Variants in INTS6L observed in about 807,000 individuals in gnomAD.
INTS6L encodes integrator complex subunit 6 like, also known as integrator complex subunit 6-like.
Under a neutral mutation model 64.7 loss-of-function variants are expected in INTS6L, and 18 were observed. The ratio of observed to expected loss-of-function variants is 0.28; its 90% CI spans 0.19 to 0.41. The LOEUF (loss-of-function observed/expected upper bound fraction) is 0.41, where lower values mean the gene tolerates loss of function less well. Among genes scored for constraint, INTS6L ranks in the 10% least tolerant of loss-of-function variants. The pLI, the probability that INTS6L is intolerant of heterozygous loss-of-function variation, is 1.00. For synonymous variants in INTS6L, 227 were observed against 235.9 expected, an observed-to-expected ratio of 0.96 and a Z score of 0.34; for missense variants, 533 against 661.0, an observed-to-expected ratio of 0.81 and a Z score of 2.12.
rs781916406 is a variant in INTS6L at position 135,551,970 on chromosome X, C to T, written c.907-24C>T. The T allele has an allele frequency of 5.1e-5, 56 of 1,102,782 alleles. 1 individual carries two copies. In the South Asian group the frequency reaches 1.4e-3, roughly 27 times the overall value. The allele number at this position is 1,102,782 out of a possible 1,213,427, so 90.9% of individuals were successfully genotyped here. On this transcript the variant is annotated intron_variant, in intron 7 of 17. Transcript: ENST00000639893. ...CTTTGAGACCTAACCATTTTTTCTG[C>T]TTTTTTTAAAAAATTTTTTTTAGCC... is the stretch of plus-strand genomic sequence containing the variant.
rs781963415 is a variant in INTS6L, at chrX:135,539,330, C to T, written c.190-6093C>T. On this transcript the variant is annotated intron_variant, in intron 2 of 17. Transcript: ENST00000639893. ...CACTTTTATGACATGGAAGTGGCTG[C>T]TTCTTCTAGCTTCAAAGTTTTCTTC... is the stretch of plus-strand genomic sequence containing the variant. 1.6e-3 allele frequency among the ~76,000 whole-genome samples: 180 copies of T among 112,146 alleles called. 1 individual carries two copies. Among genetic ancestry groups the T allele is most frequent in the African/African-American group, 5.6e-3 (174 of 30,893 alleles).
At chrX:135,562,012 T>A (rs782214881) in intron 9 of INTS6L, among the ~76,000 whole-genome samples, 5 of 110,863 alleles carry the variant, frequency 4.5e-5, no homozygotes, top group African/African-American at 1.6e-4. Context: ...AATTTTTTTT[T>A]AAAATTTCAT....
chrX:135,543,510 G>T (rs1299806781), intron 2 of INTS6L, among the ~76,000 whole-genome samples: 3 of 111,390 alleles, frequency 2.7e-5, no homozygotes, highest in African/African-American at 9.8e-5. Flanking sequence ...CTCACTCTCT[G>T]GTCACTTGTT....
intron 15 of INTS6L, among the ~76,000 whole-genome samples, chrX:135,579,399 G>A (rs2087314547): frequency 8.9e-6 from 1 of 112,206 alleles, no homozygotes; most frequent in Admixed American, 9.4e-5. Context: ...AGGTTGTGGT[G>A]TATCCAAGTT....
At chrX:135,578,432 A>G (rs2087287503) in intron 15 of INTS6L, among the ~76,000 whole-genome samples, 3 of 112,057 alleles carry the variant, frequency 2.7e-5, no homozygotes, top group African/African-American at 9.7e-5. Context: ...AACATCTGTC[A>G]GGGTTGAGGA....
At chrX:135,552,822 C>T (rs2086539094) in intron 8 of INTS6L, among the ~76,000 whole-genome samples, 1 of 112,048 alleles carries the variant, frequency 8.9e-6, no homozygotes, top group Admixed American at 9.4e-5. Context: ...ACAAAAATGT[C>T]CTACACTGTA....
rs548492454 is a variant in INTS6L at position 135,553,512 on chromosome X, C to T, written c.1059+1366C>T. 2.6e-4 allele frequency among the ~76,000 whole-genome samples: 25 copies of T among 95,754 alleles called. 1 individual carries two copies. In the South Asian group the frequency reaches 0.011, roughly 42 times the overall value. 83.2% of individuals were successfully genotyped at this position (95,754 alleles called of 115,157 possible). A position where few individuals can be genotyped will look rare whatever the true frequency, so the allele number is the denominator to read the frequency against. ...TTTTTTTTTTTTTTTTTTAGAGAGA[C>T]GGAGTCTCACCGTGTTGCCCAGGCT... On this transcript the variant is annotated intron_variant, in intron 8 of 17. Coordinates refer to ENST00000639893, the MANE Select transcript of INTS6L (RefSeq NM_001351601.3).
Position 135,560,581 on chromosome X carries a change from G to T in INTS6L, c.1192+4281G>T, listed in dbSNP as rs1226521483. ...GTTCTGGCTGGGTGCGGTGGCTCAC[G>T]CCTGTAATCTCAGCAATTTGGGAAG... On this transcript the variant is annotated intron_variant, in intron 9 of 17. Transcript: ENST00000639893. 4.5e-5 allele frequency among the ~76,000 whole-genome samples: 5 copies of T among 111,912 alleles called. No individual in the cohort carries two copies. In the Admixed American group the frequency reaches 4.7e-4, roughly 11 times the overall value.
intron 2 of INTS6L, among the ~76,000 whole-genome samples, chrX:135,538,732 A>C (rs2086118343): frequency 8.9e-6 from 1 of 112,213 alleles, no homozygotes; most frequent in Non-Finnish European, 1.9e-5. Flanking sequence ...TAAAACTTGA[A>C]AGTCAAAATG....
At chrX:135,563,619 ATGTGTGTG>A (rs1186644920) in intron 9 of INTS6L, among the ~76,000 whole-genome samples, 9 of 12,269 alleles carry the variant, frequency 7.3e-4, no homozygotes, top group African/African-American at 1.4e-3. Flanking sequence ...ATATATCCAT[ATGTGTGTG>A]TGTGTGTATA....
At chrX:135,531,348 A>G (rs2085903566) in intron 2 of INTS6L, among the ~76,000 whole-genome samples, 3 of 112,095 alleles carry the variant, frequency 2.7e-5, no homozygotes, top group African/African-American at 9.7e-5. Context: ...ACACACACTG[A>G]TGCTTCACCA....
At chrX:135,522,941 A>C (rs1556498547) in intron 2 of INTS6L, among the ~76,000 whole-genome samples, 2 of 112,407 alleles carry the variant, frequency 1.8e-5, no homozygotes. Flanking sequence ...GGAGATGTTT[A>C]TACATCCTAG....
Position 135,577,332 on chromosome X carries a change from C to T in INTS6L, c.2024C>T (p.Pro675Leu), listed in dbSNP as rs782537673. ...CTGTTGAGGAAACCACAAACACCACCTACTGTAACTAACCATGTGGGCGGA... is the reference window on the plus strand; with the variant it reads ...CTGTTGAGGAAACCACAAACACCACTTACTGTAACTAACCATGTGGGCGGA... Reference protein sequence around the residue: ...SLLLRKPQTPPTVTNHVGGKG... With the variant: ...SLLLRKPQTPLTVTNHVGGKG... The change falls in exon 15 of 18, where the codon CCT becomes CTT. Residue 675 changes from proline to leucine, a missense_variant. Physicochemically the swap from Pro to Leu is moderately conservative, Grantham distance 98. Transcript: ENST00000639893. 2 of 1,211,650 alleles carry T rather than the reference C, an allele frequency of 1.7e-6. No individual in the cohort carries two copies. Among genetic ancestry groups the T allele is most frequent in the East Asian group, 5.9e-5 (2 of 33,844 alleles).
At chrX:135,552,540 G>A (rs1849810718) in intron 8 of INTS6L, among the ~76,000 whole-genome samples, 1 of 111,859 alleles carries the variant, frequency 8.9e-6, no homozygotes, top group Admixed American at 9.5e-5. Context: ...GGATAGTTTA[G>A]GCAGAGAACC....
At chrX:135,563,619 A>ATGTGTGTGTGTG (rs1186644920) in intron 9 of INTS6L, among the ~76,000 whole-genome samples, 2 of 12,257 alleles carry the variant, frequency 1.6e-4, no homozygotes, top group African/African-American at 3.0e-4. Flanking sequence ...ATATATCCAT[A>ATGTGTGTGTGTG]TGTGTGTGTG....
At chrX:135,557,483 G>A (rs1213868320) in intron 9 of INTS6L, among the ~76,000 whole-genome samples, 3 of 111,232 alleles carry the variant, frequency 2.7e-5, no homozygotes, top group African/African-American at 9.8e-5. Context: ...AAGTATATAC[G>A]CATTAAACCA....
intron 14 of INTS6L, among the ~76,000 whole-genome samples, chrX:135,576,457 G>A (rs2148675554): frequency 9.0e-6 from 1 of 111,480 alleles, no homozygotes; most frequent in East Asian, 2.8e-4. Flanking sequence ...TCCCCTTTCT[G>A]TATTGTTTAT....
chrX:135,545,694 T>C (rs2086335653), intron 3 of INTS6L, 122 bp downstream of exon 3: 3 of 712,150 alleles, frequency 4.2e-6, no homozygotes, highest in South Asian at 3.3e-5. Flanking sequence ...GAGATTCTTA[T>C]TACCTTTTAA....
intron 2 of INTS6L, among the ~76,000 whole-genome samples, chrX:135,526,983 A>AT (rs1438248920): frequency 8.9e-6 from 1 of 111,825 alleles, no homozygotes; most frequent in Non-Finnish European, 1.9e-5. Context: ...ATCTTATTGT[A>AT]TTTTTTACAA....
Sources: gnomAD v4.1 joint callset for allele counts (sites outside exome capture counted in the v4.1 genomes callset) on GRCh38, gnomAD v4.1.1 for gene constraint, MANE v1.5 for transcripts, NCBI Gene and HGNC (gene_info 2026-07-23, HGNC 2026-07-21) for gene names.